ALK: variants seen among roughly 807,000 people sequenced by gnomAD.
ALK encodes the protein ALK receptor tyrosine kinase.
ALK carries 74 observed loss-of-function variants against 163.1 expected under a neutral mutation model. That is an observed-to-expected ratio of 0.45 (90% CI 0.38 to 0.55). ALK has a LOEUF of 0.55. Among genes scored for constraint, ALK ranks in the 20% least tolerant of loss-of-function variants. The pLI is 0.00. For missense variants in ALK, 2,063 were observed against 2,105.3 expected (o/e 0.98, Z 0.39); for synonymous variants, 960 against 843.2 (o/e 1.14, Z -2.40).
At position 29,533,971 on chromosome 2, in the gene ALK, G is replaced by T. The variant is rs1673184313; in HGVS notation, c.953-1855C>A. ...GAAAAACAAAGATACTGGCAGAATGGACTGTGCAAAAGTTGAAGGGAAGAG... is the reference window on the plus strand; with the variant it reads ...GAAAAACAAAGATACTGGCAGAATGTACTGTGCAAAAGTTGAAGGGAAGAG... On this transcript the variant is annotated intron_variant, in intron 3 of 28. Coordinates refer to ENST00000389048, the MANE Select transcript of ALK (RefSeq NM_004304.5). Among the ~76,000 whole-genome samples, 3 of 152,182 alleles carry T rather than the reference G, an allele frequency of 2.0e-5. No homozygotes were observed. The South Asian group carries it at 6.2e-4, about 32-fold the overall frequency.
At chr2:29,429,189 G>A (rs1213919959) in intron 4 of ALK, among the ~76,000 whole-genome samples, 1 of 151,888 alleles carries the variant, frequency 6.6e-6, no homozygotes, top group Non-Finnish European at 1.5e-5. Flanking sequence ...TTTAAGATCA[G>A]GAATAAGACA....
At chr2:29,898,404 G>T (rs909458860) in intron 1 of ALK, among the ~76,000 whole-genome samples, 1 of 152,180 alleles carries the variant, frequency 6.6e-6, no homozygotes, top group Non-Finnish European at 1.5e-5. Context: ...AGAATTAGAT[G>T]AGGTGACTAA....
intron 4 of ALK, among the ~76,000 whole-genome samples, chr2:29,388,329 A>G (rs1439034619): frequency 1.3e-5 from 2 of 152,202 alleles, no homozygotes; most frequent in East Asian, 3.9e-4. Context: ...GGAACATCAT[A>G]CTTTGCTTCT....
intron 4 of ALK, among the ~76,000 whole-genome samples, chr2:29,458,680 T>G (rs1671015671): frequency 1.3e-5 from 2 of 152,192 alleles, no homozygotes; most frequent in East Asian, 1.9e-4. Context: ...TGGCTTCATT[T>G]CACAGACAGT....
At chr2:29,236,599 G>A (rs996811701) in intron 13 of ALK, among the ~76,000 whole-genome samples, 6 of 152,114 alleles carry the variant, frequency 3.9e-5, no homozygotes, top group African/African-American at 7.2e-5. Flanking sequence ...GGTGGGGAGC[G>A]GTCAAGGCTC....
At chr2:29,372,899 A>T (rs1299593981) in intron 5 of ALK, among the ~76,000 whole-genome samples, 1 of 152,194 alleles carries the variant, frequency 6.6e-6, no homozygotes, top group Non-Finnish European at 1.5e-5. Context: ...GGTGTGGGAC[A>T]GGTGGTGAAC....
chr2:29,785,507 T>C (rs1663985019), intron 1 of ALK, among the ~76,000 whole-genome samples: 1 of 152,194 alleles, frequency 6.6e-6, no homozygotes, highest in South Asian at 2.1e-4. Context: ...CAAATACATC[T>C]GAAAGATGAT....
At chr2:29,200,843 G>GTGTA (rs1558609029) in intron 26 of ALK, among the ~76,000 whole-genome samples, 8 of 133,306 alleles carry the variant, frequency 6.0e-5, no homozygotes, top group African/African-American at 1.6e-4. Context: ...ATATGTGTGT[G>GTGTA]TATATAGATA....
intron 4 of ALK, among the ~76,000 whole-genome samples, chr2:29,474,865 G>A (rs959171980): frequency 1.3e-5 from 2 of 152,204 alleles, no homozygotes; most frequent in African/African-American, 4.8e-5. Context: ...AGCCAAGATA[G>A]AAGCACAAAA....
At chr2:29,901,034 C>CAAGCAAGA (rs70962249) in intron 1 of ALK, among the ~76,000 whole-genome samples, 2 of 151,636 alleles carry the variant, frequency 1.3e-5, no homozygotes, top group African/African-American at 4.9e-5. Context: ...AGCAAGCAAG[C>CAAGCAAGA]TTTTCCTCAT....
chr2:29,475,463 C>G (rs968757550), intron 4 of ALK, among the ~76,000 whole-genome samples: 9 of 152,198 alleles, frequency 5.9e-5, no homozygotes, highest in Admixed American at 1.3e-4. Context: ...AGAATCCCTC[C>G]CTCCACTAAG....
intron 1 of ALK, among the ~76,000 whole-genome samples, chr2:29,768,851 T>A (rs75623742): frequency 2.0e-5 from 3 of 151,844 alleles, no homozygotes. Flanking sequence ...CTTTTTTTTT[T>A]AAGACAGGGT....
intron 1 of ALK, among the ~76,000 whole-genome samples, chr2:29,744,414 C>G (rs962791131): frequency 4.6e-5 from 7 of 152,110 alleles, no homozygotes. Flanking sequence ...ACAATGACAG[C>G]ATTTATTTTG....
At chr2:29,606,497 C>T (rs1470757428) in intron 3 of ALK, among the ~76,000 whole-genome samples, 1 of 152,108 alleles carries the variant, frequency 6.6e-6, no homozygotes, top group African/African-American at 2.4e-5. Context: ...AAAAATAGCC[C>T]CTGCCAAAGA....
Position 29,569,249 on chromosome 2 carries a change from T to C in ALK, c.953-37133A>G, listed in dbSNP as rs182978519. Among the ~76,000 whole-genome samples the C allele has an allele frequency of 1.7e-3, 258 of 152,174 alleles. 1 individual carries two copies. The highest frequency in any genetic ancestry group is 5.1e-3 in the African/African-American group (213 of 41,524). On this transcript the variant is annotated intron_variant, in intron 3 of 28. Transcript: ENST00000389048. ...TTTCATTCACCCTTAGAGCATGGGG[T>C]TGGAAATCAAATAGCCTGACTTTCT...
chr2:29,753,603 G>A (rs948185685), intron 1 of ALK, among the ~76,000 whole-genome samples: 6 of 152,254 alleles, frequency 3.9e-5, no homozygotes, highest in African/African-American at 1.2e-4. Flanking sequence ...GAGGGATTAA[G>A]GAGGGAAAAA....
intron 1 of ALK, among the ~76,000 whole-genome samples, chr2:29,898,094 G>C (rs1042421072): frequency 6.6e-6 from 1 of 152,132 alleles, no homozygotes; most frequent in Admixed American, 6.5e-5. Context: ...AAAGAGGGAG[G>C]GTGAAGAGAA....
chr2:29,686,437 T>C (rs1212885264), intron 3 of ALK, among the ~76,000 whole-genome samples: 1 of 152,198 alleles, frequency 6.6e-6, no homozygotes, highest in African/African-American at 2.4e-5. Flanking sequence ...TTTCTGTGCC[T>C]CACAGGTTTT....
At chr2:29,259,631 A>G (rs1351710692) in intron 11 of ALK, among the ~76,000 whole-genome samples, 1 of 152,062 alleles carries the variant, frequency 6.6e-6, no homozygotes, top group Admixed American at 6.5e-5. Flanking sequence ...TTCCTTCTCT[A>G]ATAAGTCACT....
Sources: allele counts gnomAD v4.1 joint callset (sites outside exome capture counted in the v4.1 genomes callset), GRCh38; gene constraint gnomAD v4.1.1; transcripts MANE v1.5; gene names NCBI Gene and HGNC (gene_info 2026-07-23, HGNC 2026-07-21).